Variants in SBF2 observed in about 807,000 individuals in gnomAD.
SBF2 encodes the protein myotubularin-related protein 13.
Under a neutral mutation model 225.2 loss-of-function variants are expected in SBF2, and 112 were observed. The observed-to-expected ratio is 0.50, with a 90% CI of 0.43 to 0.58. SBF2 has a LOEUF of 0.58. SBF2 is among the 20% of genes least tolerant of loss of function. The pLI is 0.00. For missense variants in SBF2, 1,996 were observed against 2,206.2 expected (o/e 0.90, Z 1.91); for synonymous variants, 763 against 773.3 (o/e 0.99, Z 0.22).
At chr11:10,069,417 TTCTG>T (rs1950771339) in intron 2 of SBF2, among the ~76,000 whole-genome samples, 2 of 151,464 alleles carry the variant, frequency 1.3e-5, no homozygotes, top group Non-Finnish European at 2.9e-5. Flanking sequence ...GTGTTTGGTT[TTCTG>T]TCTTTGTTAC....
intron 2 of SBF2, among the ~76,000 whole-genome samples, chr11:10,150,634 A>G (rs1300236777): frequency 6.6e-6 from 1 of 152,194 alleles, no homozygotes; most frequent in Non-Finnish European, 1.5e-5. Flanking sequence ...CAACCCCAAA[A>G]GCTAGTTTTT....
intron 28 of SBF2, among the ~76,000 whole-genome samples, chr11:9,825,131 C>A (rs962915543): frequency 2.1e-4 from 32 of 151,982 alleles, no homozygotes; most frequent in Non-Finnish European, 8.8e-5. Flanking sequence ...GAATATATAT[C>A]ATTAGTTAAG....
At chr11:9,866,945 TA>T (rs1309086519) in intron 17 of SBF2, among the ~76,000 whole-genome samples, 3 of 151,844 alleles carry the variant, frequency 2.0e-5, no homozygotes, top group Non-Finnish European at 4.4e-5. Context: ...AAAGAAGACA[TA>T]AAAATGGTCG....
chr11:10,225,303 C>T lies in SBF2; in HGVS notation c.56-31316G>A, dbSNP rs553367509. On this transcript the variant is annotated intron_variant, in intron 1 of 39. Coordinates refer to ENST00000256190, the MANE Select transcript of SBF2 (RefSeq NM_030962.4). Reference sequence around the variant, plus strand: ...CTGTTTCAACAAACAAAAATAAAAACACTTCTTCTTTAAAAAAAAAGACAC... The same window carrying T: ...CTGTTTCAACAAACAAAAATAAAAATACTTCTTCTTTAAAAAAAAAGACAC... 5.9e-5 allele frequency among the ~76,000 whole-genome samples: 9 copies of T among 151,350 alleles called. No individual in the cohort carries two copies. The South Asian group carries it at 1.0e-3, about 17-fold the overall frequency.
At chr11:9,888,576 C>T (rs1226777573) in intron 17 of SBF2, among the ~76,000 whole-genome samples, 2 of 151,542 alleles carry the variant, frequency 1.3e-5, no homozygotes, top group South Asian at 2.1e-4. Flanking sequence ...AAAGGGTAAA[C>T]CATAACAACT....
chr11:10,176,584 A>C (rs866205887), intron 2 of SBF2, among the ~76,000 whole-genome samples: 1 of 152,172 alleles, frequency 6.6e-6, no homozygotes, highest in Non-Finnish European at 1.5e-5. Context: ...TAAACTAGAA[A>C]ATCTAGAAGA....
In SBF2 at chr11:10,028,610, T is replaced by A. The variant is rs10840344; in HGVS notation, c.514-53A>T. Reference sequence around the variant, plus strand: ...CACACACACGATTTCAGCCATTTTTTAAAAAATAAAAATACCTTCGATGTT... The same window carrying A: ...CACACACACGATTTCAGCCATTTTTAAAAAAATAAAAATACCTTCGATGTT... On this transcript the variant is annotated intron_variant, in intron 5 of 39. Coordinates refer to ENST00000256190, the MANE Select transcript of SBF2 (RefSeq NM_030962.4). 0.26 allele frequency: 307,258 copies of A among 1,173,060 alleles called. 44,479 individuals are homozygous for A. Among genetic ancestry groups the A allele is most frequent in the Non-Finnish European group, 0.31 (241,809 of 780,438 alleles). 72.7% of individuals were successfully genotyped at this position (1,173,060 alleles called of 1,614,324 possible).
At chr11:10,179,072 T>G (rs1355640582) in intron 2 of SBF2, among the ~76,000 whole-genome samples, 2 of 149,244 alleles carry the variant, frequency 1.3e-5, no homozygotes. Flanking sequence ...GAAATCATCA[T>G]TCTCAGTAAA....
intron 1 of SBF2, among the ~76,000 whole-genome samples, chr11:10,268,563 A>G (rs544233298): frequency 6.6e-6 from 1 of 152,306 alleles, no homozygotes; most frequent in South Asian, 2.1e-4. Flanking sequence ...TCTTTCTCCT[A>G]ACTCAGTCTG....
chr11:10,154,121 TCTTA>T (rs1955354742), intron 2 of SBF2, among the ~76,000 whole-genome samples: 1 of 151,976 alleles, frequency 6.6e-6, no homozygotes, highest in African/African-American at 2.4e-5. Flanking sequence ...CAAACTTTGC[TCTTA>T]CTTTTCAAAG....
At chr11:9,909,692 C>T (rs1307214837) in intron 16 of SBF2, among the ~76,000 whole-genome samples, 1 of 151,422 alleles carries the variant, frequency 6.6e-6, no homozygotes, top group African/African-American at 2.4e-5. Context: ...AAAAAAGATA[C>T]CCTGACGACT....
At chr11:10,031,268 T>A in intron 3 of SBF2, 98 bp from the exon 4 acceptor site, 1 of 1,117,146 alleles carries the variant, frequency 9.0e-7, no homozygotes. Context: ...TTATGCAAAT[T>A]CAAAATTAAT....
At chr11:10,198,001 C>T (rs934036544) in intron 1 of SBF2, among the ~76,000 whole-genome samples, 2 of 152,172 alleles carry the variant, frequency 1.3e-5, no homozygotes, top group African/African-American at 4.8e-5. Flanking sequence ...AAGTCTTGAA[C>T]CCCTCAAGGT....
intron 1 of SBF2, among the ~76,000 whole-genome samples, chr11:10,205,470 G>C (rs758616971): frequency 2.0e-5 from 3 of 151,814 alleles, no homozygotes; most frequent in Non-Finnish European, 2.9e-5. Flanking sequence ...CCTCGGAATG[G>C]AGGAACAACA....
At position 9,974,987 on chromosome 11, in the gene SBF2, AAG is replaced by A. The variant is rs1491038306; in HGVS notation, c.1396-6444_1396-6443del. On this transcript the variant is annotated intron_variant, in intron 13 of 39. Coordinates refer to ENST00000256190, the MANE Select transcript of SBF2 (RefSeq NM_030962.4). ...AAAAAAAAAAAAAAAAAAAAAAAAA[AAG>A]AAAAAAAGAAACCAACTGACAATAC... Among the ~76,000 whole-genome samples, 56 of 80,950 alleles carry A rather than the reference AAG, an allele frequency of 6.9e-4. 2 individuals carry two copies. Among genetic ancestry groups the A allele is most frequent in the African/African-American group, 1.4e-3 (38 of 26,648 alleles). The allele number at this position is 80,950 out of a possible 152,430, so 53.1% of individuals were successfully genotyped here.
At chr11:9,981,336 G>A (rs999825065) in intron 13 of SBF2, among the ~76,000 whole-genome samples, 1 of 152,128 alleles carries the variant, frequency 6.6e-6, no homozygotes, top group Non-Finnish European at 1.5e-5. Flanking sequence ...GGGGTGAAAA[G>A]TGACTACTGG....
chr11:9,858,947 G>A (rs966295148), intron 17 of SBF2, among the ~76,000 whole-genome samples: 1 of 152,126 alleles, frequency 6.6e-6, no homozygotes, highest in African/African-American at 2.4e-5. Flanking sequence ...CTGTTGCCTG[G>A]CTCACATACT....
chr11:10,122,469 C>T (rs1039263117), intron 2 of SBF2, among the ~76,000 whole-genome samples: 1 of 152,134 alleles, frequency 6.6e-6, no homozygotes, highest in Non-Finnish European at 1.5e-5. Flanking sequence ...TAAAAACTTG[C>T]TTAATATTTG....
At chr11:10,090,770 A>AAAAAAAAAAAAAAAAC (rs1951751424) in intron 2 of SBF2, among the ~76,000 whole-genome samples, 1 of 149,666 alleles carries the variant, frequency 6.7e-6, no homozygotes, top group Non-Finnish European at 1.5e-5. Context: ...ATCTCAAAAA[A>AAAAAAAAAAAAAAAAC]AAAAAAAAAA....
Sources: allele counts gnomAD v4.1 joint callset (sites outside exome capture counted in the v4.1 genomes callset), GRCh38; gene constraint gnomAD v4.1.1; transcripts MANE v1.5; gene names NCBI Gene and HGNC (gene_info 2026-07-23, HGNC 2026-07-21).